EBF1: variants seen among roughly 807,000 people sequenced by gnomAD.
The protein encoded by EBF1 is EBF transcription factor 1.
Under a neutral mutation model 68.4 loss-of-function variants are expected in EBF1, and 10 were observed. That is an observed-to-expected ratio of 0.15 (90% CI 0.09 to 0.25). EBF1 has a LOEUF of 0.25. Ranked by LOEUF, EBF1 falls within the 10% of genes least tolerant of loss-of-function variation. EBF1 has a pLI of 1.00. For missense variants in EBF1, 509 were observed against 794.4 expected, an observed-to-expected ratio of 0.64 and a Z score of 4.32; for synonymous variants, 298 against 299.8, an observed-to-expected ratio of 0.99 and a Z score of 0.06.
intron 6 of EBF1, among the ~76,000 whole-genome samples, chr5:159,053,605 TCACACA>T (rs3062333): frequency 3.4e-5 from 5 of 146,306 alleles, no homozygotes; most frequent in African/African-American, 7.7e-5. Context: ...TCTCTCTCTC[TCACACA>T]CACACACACA....
intron 6 of EBF1, among the ~76,000 whole-genome samples, chr5:158,938,736 G>A (rs1812617355): frequency 6.6e-6 from 1 of 152,132 alleles, no homozygotes; most frequent in Middle Eastern, 3.2e-3. Context: ...ATCATGGCAG[G>A]GGAGGGCTAT....
At chr5:158,775,776 GCACACAGACACAC>G (rs1775040175) in intron 10 of EBF1, among the ~76,000 whole-genome samples, 1 of 56,002 alleles carries the variant, frequency 1.8e-5, no homozygotes, top group Non-Finnish European at 3.3e-5. Context: ...ACACACACAT[GCACACAGACACAC>G]ACACACACAC....
chr5:158,709,154 TA>T (rs1758579436), intron 14 of EBF1, among the ~76,000 whole-genome samples: 1 of 152,244 alleles, frequency 6.6e-6, no homozygotes, highest in Non-Finnish European at 1.5e-5. Context: ...ACTCGCTTTC[TA>T]TTTCCTCCAT....
At chr5:158,901,262 T>C (rs1803250823) in intron 6 of EBF1, among the ~76,000 whole-genome samples, 1 of 152,216 alleles carries the variant, frequency 6.6e-6, no homozygotes, top group South Asian at 2.1e-4. Flanking sequence ...ATACCATTAG[T>C]TCTCTGTAAT....
chr5:158,872,996 A>T (rs995130172), intron 6 of EBF1, among the ~76,000 whole-genome samples: 15 of 81,104 alleles, frequency 1.8e-4, no homozygotes, highest in South Asian at 6.7e-4. Flanking sequence ...AATGACACTA[A>T]TTTTTTTTTT....
chr5:158,787,109 CA>C (rs1331436971), intron 9 of EBF1, among the ~76,000 whole-genome samples: 1 of 152,126 alleles, frequency 6.6e-6, no homozygotes, highest in African/African-American at 2.4e-5. Flanking sequence ...AAACTGAAGC[CA>C]AACCCCTTTT....
chr5:158,810,249 G>A (rs939726570), intron 8 of EBF1, among the ~76,000 whole-genome samples: 14 of 152,226 alleles, frequency 9.2e-5, no homozygotes, highest in African/African-American at 2.4e-4. Context: ...ACCAGCCCAC[G>A]GATAATACAC....
chr5:159,099,410 G>C lies in EBF1; in HGVS notation c.69C>G (p.Gly23=). ...SSMKEEPLGS[G]MNAVRTWMQG... ...GCATCCACGTCCGCACCGCGTTCATGCCGCTGCCCAGCGGCTCTTCCTTCA... is the reference window on the plus strand; with the variant it reads ...GCATCCACGTCCGCACCGCGTTCATCCCGCTGCCCAGCGGCTCTTCCTTCA... Residue 23 remains glycine, a synonymous_variant, in exon 1 of 16, where the codon GGC becomes GGG. Coordinates refer to ENST00000313708, the MANE Select transcript of EBF1 (RefSeq NM_024007.5). The C allele has an allele frequency of 6.2e-7, 1 of 1,601,958 alleles. No homozygotes were observed. The highest frequency in any genetic ancestry group is 8.5e-7 in the Non-Finnish European group (1 of 1,174,338).
chr5:158,833,196 C>G (rs527688307), intron 7 of EBF1, among the ~76,000 whole-genome samples: 15 of 151,574 alleles, frequency 9.9e-5, no homozygotes, highest in African/African-American at 3.4e-4. Context: ...GTCCCAGCTA[C>G]TCTGAAGGCT....
At chr5:158,816,951 G>T (rs1254616009) in intron 8 of EBF1, among the ~76,000 whole-genome samples, 1 of 152,076 alleles carries the variant, frequency 6.6e-6, no homozygotes, top group South Asian at 2.1e-4. Flanking sequence ...AAAGTTATAA[G>T]TAGGTCTGAG....
intron 11 of EBF1, among the ~76,000 whole-genome samples, chr5:158,730,629 C>T (rs978823307): frequency 3.9e-5 from 6 of 152,180 alleles, no homozygotes; most frequent in Non-Finnish European, 8.8e-5. Flanking sequence ...GGACTAAGTA[C>T]GGATCCTCGT....
intron 6 of EBF1, among the ~76,000 whole-genome samples, chr5:158,866,879 A>G (rs1213781560): frequency 3.3e-5 from 3 of 90,180 alleles, no homozygotes; most frequent in Non-Finnish European, 4.7e-5. Flanking sequence ...ATATATATAT[A>G]TATATATATA....
At chr5:159,090,351 A>G (rs536298327) in intron 4 of EBF1, among the ~76,000 whole-genome samples, 1 of 152,244 alleles carries the variant, frequency 6.6e-6, no homozygotes, top group South Asian at 2.1e-4. Flanking sequence ...AGGAAACACT[A>G]CAAATCTGAC....
At chr5:159,053,005 C>G (rs960302184) in intron 6 of EBF1, among the ~76,000 whole-genome samples, 3 of 152,148 alleles carry the variant, frequency 2.0e-5, no homozygotes, top group African/African-American at 7.2e-5. Flanking sequence ...GGAGCAATGA[C>G]CAACAAAAGG....
At chr5:158,964,807 G>A (rs376973899) in intron 6 of EBF1, among the ~76,000 whole-genome samples, 13 of 152,180 alleles carry the variant, frequency 8.5e-5, no homozygotes, top group African/African-American at 2.9e-4. Flanking sequence ...CTCCAGAGGA[G>A]CAACTTTCCA....
chr5:158,775,745 AACACAC>A (rs3220206), intron 10 of EBF1, among the ~76,000 whole-genome samples: 1,678 of 137,702 alleles, frequency 0.012, 35 homozygotes, highest in African/African-American at 0.044. Context: ...AGACTTGTAA[AACACAC>A]ACACACACAC....
In EBF1 at chr5:158,714,192, G is replaced by A; in HGVS notation, c.1126-10C>T. The stretch of plus-strand genomic sequence containing the variant: ...TTTTGAGTATTACTTCCTGTCAAGA[G>A]AAAAGCAGATACAATCCTTTGAGTG... On this transcript the variant is annotated splice_polypyrimidine_tract_variant and intron_variant, in intron 11 of 15. Coordinates refer to ENST00000313708, the MANE Select transcript of EBF1 (RefSeq NM_024007.5). The A allele has an allele frequency of 1.2e-6, 2 of 1,614,174 alleles. No homozygotes were observed. The highest frequency in any genetic ancestry group is 8.5e-7 in the Non-Finnish European group (1 of 1,179,990).
chr5:159,033,712 T>C (rs1252721213), intron 6 of EBF1, among the ~76,000 whole-genome samples: 2 of 152,210 alleles, frequency 1.3e-5, no homozygotes, highest in African/African-American at 4.8e-5. Context: ...TAATTAATGA[T>C]TGCCCCAAAG....
At chr5:159,094,165 CAAAAAAAAAAAAAAAAA>C (rs869228922) in intron 4 of EBF1, among the ~76,000 whole-genome samples, 1 of 21,874 alleles carries the variant, frequency 4.6e-5, no homozygotes, top group Non-Finnish European at 9.4e-5. Flanking sequence ...CCTTGGAAGG[CAAAAAAAAAAAAAAAAA>C]AAAAAAAAAA....
Sources: allele counts gnomAD v4.1 joint callset (sites outside exome capture counted in the v4.1 genomes callset), GRCh38; gene constraint gnomAD v4.1.1; transcripts MANE v1.5; gene names NCBI Gene and HGNC (gene_info 2026-07-23, HGNC 2026-07-21).